Variants in NTM observed in about 807,000 individuals in gnomAD.
NTM encodes the protein neurotrimin, also known as IgLON family member 2.
Under a neutral mutation model 42.1 loss-of-function variants are expected in NTM, and 13 were observed. The ratio of observed to expected loss-of-function variants is 0.31; its 90% CI spans 0.20 to 0.49. The LOEUF is 0.49. Ranked by LOEUF, NTM falls within the 20% of genes least tolerant of loss-of-function variation. NTM has a pLI of 0.99. For missense variants in NTM, 373 were observed against 452.8 expected, an observed-to-expected ratio of 0.82 and a Z score of 1.60; for synonymous variants, 187 against 179.2, an observed-to-expected ratio of 1.04 and a Z score of -0.35.
chr11:132,164,436 A>G (rs1232597815), intron 3 of NTM, among the ~76,000 whole-genome samples: 1 of 152,210 alleles, frequency 6.6e-6, no homozygotes, highest in African/African-American at 2.4e-5. Flanking sequence ...AGATGGCAAT[A>G]GTCAGTAACA....
chr11:131,746,398 G>C (rs1227653709), intron 1 of NTM, among the ~76,000 whole-genome samples: 1 of 152,158 alleles, frequency 6.6e-6, no homozygotes, highest in Non-Finnish European at 1.5e-5. Context: ...TTGTGTGTAG[G>C]AAAATGATGT....
chr11:132,123,813 T>A (rs1398080496), intron 2 of NTM, among the ~76,000 whole-genome samples: 9 of 151,834 alleles, frequency 5.9e-5, no homozygotes, highest in Non-Finnish European at 1.3e-4. Context: ...TGACCAAGAG[T>A]TAGGTTCCTA....
intron 2 of NTM, among the ~76,000 whole-genome samples, chr11:131,944,113 A>G (rs924220885): frequency 2.0e-5 from 3 of 152,192 alleles, no homozygotes; most frequent in African/African-American, 7.2e-5. Context: ...AAGACAACCT[A>G]TGTGACACTG....
At chr11:131,704,522 AG>A (rs2076392877) in intron 1 of NTM, among the ~76,000 whole-genome samples, 1 of 152,258 alleles carries the variant, frequency 6.6e-6, no homozygotes, top group Non-Finnish European at 1.5e-5. Flanking sequence ...AAACTGGAAA[AG>A]ATGCCTAATT....
intron 2 of NTM, among the ~76,000 whole-genome samples, chr11:131,995,807 A>T (rs537725131): frequency 1.3e-5 from 2 of 152,192 alleles, no homozygotes; most frequent in African/African-American, 4.8e-5. Context: ...TTCCCCAATC[A>T]ACTAAAATTG....
chr11:131,826,318 A>G (rs967114004), intron 1 of NTM, among the ~76,000 whole-genome samples: 4 of 152,136 alleles, frequency 2.6e-5, no homozygotes, highest in Non-Finnish European at 4.4e-5. Flanking sequence ...AGAAGAAGGA[A>G]GTCAGCAAGA....
At chr11:131,403,402 C>G (rs1206641931) in intron 1 of NTM, among the ~76,000 whole-genome samples, 1 of 152,174 alleles carries the variant, frequency 6.6e-6, no homozygotes, top group African/African-American at 2.4e-5. Context: ...CTCTGGTTCT[C>G]TTTCCTTCTA....
intron 4 of NTM, among the ~76,000 whole-genome samples, chr11:132,234,679 G>A (rs948633578): frequency 2.3e-4 from 35 of 152,190 alleles, no homozygotes; most frequent in Non-Finnish European, 2.9e-5. Context: ...TCAACAAGAA[G>A]AGAAAGGGAC....
intron 1 of NTM, among the ~76,000 whole-genome samples, chr11:131,817,328 A>G (rs1321291838): frequency 6.6e-6 from 1 of 152,240 alleles, no homozygotes; most frequent in Non-Finnish European, 1.5e-5. Context: ...AAGACTAACA[A>G]TGATTTCACA....
chr11:132,176,983 C>G (rs1225873559), intron 3 of NTM, among the ~76,000 whole-genome samples: 1 of 151,984 alleles, frequency 6.6e-6, no homozygotes, highest in Admixed American at 6.6e-5. Flanking sequence ...CCTGCCTTGG[C>G]CTCCCAAAGT....
chr11:131,901,470 A>T (rs2053149831), intron 1 of NTM, among the ~76,000 whole-genome samples: 1 of 152,200 alleles, frequency 6.6e-6, no homozygotes, highest in African/African-American at 2.4e-5. Context: ...AGGGAACCTA[A>T]TGTCTTCTGC....
In NTM at chr11:131,895,704, A is replaced by G. The variant is rs558748504; in HGVS notation, c.83-15860A>G. ...TATACATATATATGTGTGTGTGTGT[A>G]TATATATACATTTCCTTTAAAATAA... On this transcript the variant is annotated intron_variant, in intron 1 of 8. Transcript: ENST00000683400. 5.3e-4 allele frequency among the ~76,000 whole-genome samples: 81 copies of G among 151,768 alleles called. 2 individuals are homozygous for G. The East Asian group carries it at 9.7e-3, about 18-fold the overall frequency.
At chr11:131,416,270 T>G (rs1384492168) in intron 1 of NTM, among the ~76,000 whole-genome samples, 1 of 152,114 alleles carries the variant, frequency 6.6e-6, no homozygotes, top group African/African-American at 2.4e-5. Context: ...CCAAACCCCT[T>G]TCTATGTTGG....
At chr11:131,697,752 A>G (rs768086265) in intron 1 of NTM, among the ~76,000 whole-genome samples, 1 of 152,172 alleles carries the variant, frequency 6.6e-6, no homozygotes. Flanking sequence ...GAATTCCTGC[A>G]TAGTCCCTCT....
intron 1 of NTM, among the ~76,000 whole-genome samples, chr11:131,884,415 GAAAA>G (rs980556325): frequency 6.7e-6 from 1 of 149,394 alleles, no homozygotes. Flanking sequence ...ATCTCAAAAA[GAAAA>G]AAAAAGAAAG....
At position 131,400,741 on chromosome 11, in the gene NTM, C is replaced by G. The variant is rs73584822; in HGVS notation, c.82+29853C>G. Among the ~76,000 whole-genome samples, 1,477 of 152,218 alleles carry G rather than the reference C, an allele frequency of 9.7e-3. 19 individuals are homozygous for G. The highest frequency in any genetic ancestry group is 0.033 in the African/African-American group (1,384 of 41,536). ...TATGTACTGAACTGTAAGCTGATAC[C>G]TAAGTTCCAGTAAGTATTGATATGC... On this transcript the variant is annotated intron_variant, in intron 1 of 8. Coordinates refer to ENST00000683400, the MANE Select transcript of NTM (RefSeq NM_001352005.2).
At chr11:132,070,037 C>T (rs539574497) in intron 2 of NTM, among the ~76,000 whole-genome samples, 11 of 132,020 alleles carry the variant, frequency 8.3e-5, no homozygotes, top group African/African-American at 3.4e-4. Context: ...TCAAACTGAC[C>T]GTCACAGGTT....
chr11:132,263,210 G>T (rs141596688), intron 4 of NTM, among the ~76,000 whole-genome samples: 1 of 152,216 alleles, frequency 6.6e-6, no homozygotes. Flanking sequence ...CAACCCCAAG[G>T]CTGTTCAAGG....
intron 2 of NTM, among the ~76,000 whole-genome samples, chr11:132,119,441 C>G (rs373481176): frequency 6.6e-6 from 1 of 152,110 alleles, no homozygotes; most frequent in Non-Finnish European, 1.5e-5. Context: ...ACAGCCAATT[C>G]CATTACCACC....
Sources: gnomAD v4.1 joint callset for allele counts (sites outside exome capture counted in the v4.1 genomes callset) on GRCh38, gnomAD v4.1.1 for gene constraint, MANE v1.5 for transcripts, NCBI Gene and HGNC (gene_info 2026-07-23, HGNC 2026-07-21) for gene names.